Variants in WRN observed in about 807,000 individuals in gnomAD.
The protein encoded by WRN is bifunctional 3'-5' exonuclease/ATP-dependent helicase WRN.
In WRN, 149 loss-of-function variants were observed where a neutral mutation model predicts 180.7. The ratio of observed to expected loss-of-function variants is 0.82; its 90% confidence interval spans 0.72 to 0.94. The LOEUF (loss-of-function observed/expected upper bound fraction) is 0.94. WRN is among the 40% of genes least tolerant of loss of function. The probability of loss-of-function intolerance (pLI) is 0.00; values close to 1 mark genes in which losing one functional copy is unlikely to be tolerated. For synonymous variants in WRN, 548 were observed against 568.9 expected (o/e 0.96, Z 0.52); for missense variants, 1,661 against 1,700.1 (o/e 0.98, Z 0.40).
chr8:31,115,175 C>T (rs951359677), intron 19 of WRN, among the ~76,000 whole-genome samples: 1 of 152,220 alleles, frequency 6.6e-6, no homozygotes, highest in East Asian at 1.9e-4. Flanking sequence ...GGATTACAGG[C>T]GTGAGCCACT....
chr8:31,121,031 C>G (rs888196945), intron 21 of WRN, among the ~76,000 whole-genome samples: 6 of 151,972 alleles, frequency 3.9e-5, no homozygotes, highest in African/African-American at 1.4e-4. Context: ...GCAGGAGAAC[C>G]TTTCTACTTA....
intron 33 of WRN, 88 bp downstream of exon 33, chr8:31,157,618 A>G: frequency 1.3e-6 from 2 of 1,514,322 alleles, no homozygotes; most frequent in South Asian, 1.2e-5. Flanking sequence ...AACAGCATTA[A>G]TCCTTTATGC....
chr8:31,034,704 C>T (rs1811377499), intron 1 of WRN, among the ~76,000 whole-genome samples: 1 of 152,166 alleles, frequency 6.6e-6, no homozygotes, highest in African/African-American at 2.4e-5. Flanking sequence ...GGACTCATTT[C>T]CCAGTTGCCT....
chr8:31,080,799 G>T, intron 8 of WRN, 68 bp from the exon 9 acceptor site: 1 of 1,325,386 alleles, frequency 7.5e-7, no homozygotes, highest in Non-Finnish European at 1.0e-6. Context: ...TTGTTAAAAA[G>T]CTTCACAGTT....
At position 31,124,546 on chromosome 8, in the gene WRN, T is replaced by C. The variant is rs1368942610; in HGVS notation, c.2655T>C (p.Asn885=). Residue 885 remains asparagine (N), a synonymous_variant, in exon 22 of 35, where the codon AAT becomes AAC. Coordinates refer to ENST00000298139, the MANE Select transcript of WRN (RefSeq NM_000553.6). ...LNRHLLTEIR[N]EKFRLYKLKM... is the part of the protein sequence containing the mutation. ...GGCACCTTCTTACTGAGATACGTAA[T>C]GAGAAGTTTCGATTATACAAATTAA... 1 of 1,612,470 alleles carries C rather than the reference T, an allele frequency of 6.2e-7. No individual in the cohort carries two copies. Among genetic ancestry groups the C allele is most frequent in the Admixed American group, 1.7e-5 (1 of 59,974 alleles).
intron 3 of WRN, among the ~76,000 whole-genome samples, chr8:31,061,700 T>C (rs1427170934): frequency 6.6e-6 from 1 of 152,208 alleles, no homozygotes; most frequent in African/African-American, 2.4e-5. Context: ...GCCTTTAGTC[T>C]AAAGGTAATT....
intron 21 of WRN, among the ~76,000 whole-genome samples, chr8:31,121,875 A>C (rs1801738110): frequency 6.6e-6 from 1 of 151,988 alleles, no homozygotes; most frequent in African/African-American, 2.4e-5. Context: ...GTATCTGTCA[A>C]GCTTCTTATG....
chr8:31,116,533 G>T lies in WRN; in HGVS notation c.2448+5G>T, dbSNP rs1038943357. On this transcript the variant is annotated splice_donor_5th_base_variant and intron_variant, in intron 20 of 34. Transcript: ENST00000298139. ...TTTGTAAGAGATGAAATTCAGGTAT[G>T]AGGATCAATCATCATTGCTCTCCGT... The T allele has an allele frequency of 1.2e-6, 2 of 1,613,482 alleles. No individual in the cohort carries two copies. Among genetic ancestry groups the T allele is most frequent in the African/African-American group, 2.7e-5 (2 of 74,934 alleles).
Position 31,067,040 on chromosome 8 carries a change from GCA to G in WRN, c.515_516del (p.Thr172ArgfsTer6), listed in dbSNP as rs1585411632. On this transcript the variant is annotated frameshift_variant, in exon 6 of 35. Transcript: ENST00000298139. LOFTEE classifies it high-confidence loss of function. ...CTTTTTCATCATTTCTAGCTGAAAT[GCA>G]CAGAGACCTGGAGCCTTAACAGTCT... 6.2e-7 allele frequency: 1 copy of G among 1,613,694 alleles called. No homozygotes were observed. The highest frequency in any genetic ancestry group is 1.1e-5 in the South Asian group (1 of 91,074).
intron 14 of WRN, 39 bp from the exon 15 acceptor site, chr8:31,090,795 A>T: frequency 6.7e-7 from 1 of 1,487,230 alleles, no homozygotes; most frequent in Non-Finnish European, 9.2e-7. Flanking sequence ...TTATTTCTAT[A>T]TTTTTTTCAT....
rs1801521291 is a variant in WRN, at chr8:31,116,414, A to G, written c.2334A>G (p.Gln778=). The G allele has an allele frequency of 6.2e-7, 1 of 1,613,950 alleles. No homozygotes were observed. The highest frequency in any genetic ancestry group is 1.3e-5 in the African/African-American group (1 of 74,942). ...ACTGTCCTTCTAGAAAAATGACACA[A>G]CAAGTTACAGGTGAACTTAGGAAAC... The part of the protein sequence containing the change: ...IIYCPSRKMT[Q]QVTGELRKLN... Residue 778 remains glutamine (Q), a synonymous_variant, in exon 20 of 35, where the codon CAA becomes CAG. Transcript: ENST00000298139.
At chr8:31,120,203 C>T (rs777636616) in intron 20 of WRN, 40 bp from the exon 21 acceptor site, 1 of 1,610,112 alleles carries the variant, frequency 6.2e-7, no homozygotes, top group Non-Finnish European at 8.5e-7. Flanking sequence ...TTTCATTCTG[C>T]TAAATATGTT....
Position 31,096,812 on chromosome 8 carries a change from G to A in WRN, c.1943G>A (p.Gly648Asp). 3.1e-6 allele frequency: 5 copies of A among 1,612,782 alleles called. No individual in the cohort carries two copies. The East Asian group carries it at 8.9e-5, about 29-fold the overall frequency. Reference sequence around the variant, plus strand: ...TACGTAACTCCAGAATACTGTTCAGGTAACATGGGCCTGCTCCAGCAACTT... The same window carrying A: ...TACGTAACTCCAGAATACTGTTCAGATAACATGGGCCTGCTCCAGCAACTT... ...IVYVTPEYCSGNMGLLQQLEA... is the reference protein window; with the variant it reads ...IVYVTPEYCSDNMGLLQQLEA... The change falls in exon 17 of 35, where the codon GGT becomes GAT. Residue 648 changes from glycine to aspartate, a missense_variant. Transcript: ENST00000298139.
At chr8:31,127,312 A>G (rs1334864760) in intron 23 of WRN, among the ~76,000 whole-genome samples, 7 of 152,206 alleles carry the variant, frequency 4.6e-5, no homozygotes, top group African/African-American at 1.7e-4. Context: ...TTTTGGAGTG[A>G]TAGATTTATC....
intron 34 of WRN, among the ~76,000 whole-genome samples, chr8:31,171,917 C>G (rs1054308448): frequency 2.6e-5 from 4 of 152,030 alleles, no homozygotes; most frequent in Admixed American, 6.6e-5. Context: ...TAAGGCCAAC[C>G]TTCTCATAAA....
intron 34 of WRN, among the ~76,000 whole-genome samples, chr8:31,169,149 A>C (rs190495615): frequency 6.6e-6 from 1 of 151,784 alleles, no homozygotes; most frequent in East Asian, 1.9e-4. Flanking sequence ...TTCATTACCC[A>C]GCTTCAATAT....
At chr8:31,160,181 T>C (rs897314580) in intron 33 of WRN, among the ~76,000 whole-genome samples, 3 of 152,314 alleles carry the variant, frequency 2.0e-5, no homozygotes, top group Admixed American at 6.5e-5. Flanking sequence ...TATCACTTCC[T>C]AGCTTTCTGA....
chr8:31,133,461 C>T (rs1040152695), intron 24 of WRN, among the ~76,000 whole-genome samples: 1 of 151,710 alleles, frequency 6.6e-6, no homozygotes, highest in African/African-American at 2.4e-5. Flanking sequence ...GGAGGCGGAG[C>T]TTGCAGTGAG....
At chr8:31,034,758 G>A (rs999697779) in intron 1 of WRN, among the ~76,000 whole-genome samples, 34 of 152,216 alleles carry the variant, frequency 2.2e-4, no homozygotes, top group African/African-American at 8.2e-4. Flanking sequence ...GGTTTTTAAA[G>A]GCGAAGGGGA....
Sources: gnomAD v4.1 joint callset for allele counts (sites outside exome capture counted in the v4.1 genomes callset) on GRCh38, gnomAD v4.1.1 for gene constraint, MANE v1.5 for transcripts, NCBI Gene and HGNC (gene_info 2026-07-23, HGNC 2026-07-21) for gene names.